ANKRD44: variants seen among roughly 807,000 people sequenced by gnomAD.
ANKRD44 encodes ankyrin repeat domain 44.
A neutral mutation model predicts 116.0 loss-of-function variants in ANKRD44; 35 were observed. The observed-to-expected ratio is 0.30, with a 90% CI of 0.23 to 0.40. The LOEUF (loss-of-function observed/expected upper bound fraction) is 0.40. Ranked by LOEUF, ANKRD44 falls within the 10% of genes least tolerant of loss-of-function variation. The pLI is 1.00. For missense variants in ANKRD44, 1,014 were observed against 1,242.6 expected (o/e 0.82, Z 2.77); for synonymous variants, 435 against 461.8 (o/e 0.94, Z 0.74).
intron 1 of ANKRD44, among the ~76,000 whole-genome samples, chr2:197,224,099 T>A (rs2081646679): frequency 6.6e-6 from 1 of 152,200 alleles, no homozygotes; most frequent in Admixed American, 6.5e-5. Context: ...TCCCTTAAAC[T>A]GTTCCCTGAA....
chr2:197,307,624 A>G (rs2084113370), intron 1 of ANKRD44, among the ~76,000 whole-genome samples: 1 of 151,556 alleles, frequency 6.6e-6, no homozygotes, highest in South Asian at 2.1e-4. Flanking sequence ...AAAAAAAAAG[A>G]GTTAGGAAAA....
intron 1 of ANKRD44, among the ~76,000 whole-genome samples, chr2:197,257,866 C>T (rs1031784296): frequency 2.0e-5 from 3 of 152,120 alleles, no homozygotes; most frequent in Non-Finnish European, 4.4e-5. Context: ...ACTGAAACTC[C>T]GTGCCAATTA....
At chr2:196,972,735 T>C (rs898801147) in intron 21 of ANKRD44, among the ~76,000 whole-genome samples, 5 of 152,224 alleles carry the variant, frequency 3.3e-5, no homozygotes, top group African/African-American at 9.6e-5. Flanking sequence ...TTTTTCTGAT[T>C]GGTAGGTATC....
At chr2:197,032,504 T>A (rs952210336) in intron 16 of ANKRD44, among the ~76,000 whole-genome samples, 2 of 151,520 alleles carry the variant, frequency 1.3e-5, no homozygotes, top group African/African-American at 2.4e-5. Context: ...TTCTCCTGCC[T>A]CAGCCTCCTG....
At chr2:197,129,064 A>T (rs2079040890) in intron 4 of ANKRD44, among the ~76,000 whole-genome samples, 2 of 152,154 alleles carry the variant, frequency 1.3e-5, no homozygotes, top group Non-Finnish European at 2.9e-5. Flanking sequence ...AGATAAGATA[A>T]AAGCTCACAG....
At chr2:197,307,252 A>T (rs76956981) in intron 1 of ANKRD44, among the ~76,000 whole-genome samples, 1,962 of 152,336 alleles carry the variant, frequency 0.013, 39 homozygotes, top group African/African-American at 0.045. Flanking sequence ...ATGTCCACAT[A>T]CAAGGAACTA....
At chr2:197,194,431 G>A (rs928444478) in intron 1 of ANKRD44, among the ~76,000 whole-genome samples, 10 of 152,110 alleles carry the variant, frequency 6.6e-5, no homozygotes, top group African/African-American at 2.4e-4. Flanking sequence ...CCTTTCTTTT[G>A]TGATCTCCTG....
rs182539877 is a variant in ANKRD44, at chr2:197,216,964, T to C, written c.28-29858A>G. Among the ~76,000 whole-genome samples the C allele has an allele frequency of 1.9e-3, 292 of 149,964 alleles. 1 individual carries two copies. The highest frequency in any genetic ancestry group is 0.01 in the Middle Eastern group (3 of 290). Reference sequence around the variant, plus strand: ...GGGAAAAGAAAAAAAAAGGACTCAGTGACCATCAAAAACGAAAAGGCAGAG... The same window carrying C: ...GGGAAAAGAAAAAAAAAGGACTCAGCGACCATCAAAAACGAAAAGGCAGAG... On this transcript the variant is annotated intron_variant, in intron 1 of 27. Transcript: ENST00000282272.
chr2:197,186,951 T>C lies in ANKRD44; in HGVS notation c.111+72A>G. 3 of 1,227,790 alleles carry C rather than the reference T, an allele frequency of 2.4e-6. No individual in the cohort carries two copies. In the South Asian group the frequency reaches 3.6e-5, roughly 15 times the overall value. 76.1% of individuals were successfully genotyped at this position (1,227,790 alleles called of 1,614,324 possible). Reference sequence around the variant, plus strand: ...CACCAGATATCAAGAGTCCATGGTATATAAAAGGTTAAGAGTCCTTTCCTG... The same window carrying C: ...CACCAGATATCAAGAGTCCATGGTACATAAAAGGTTAAGAGTCCTTTCCTG... On this transcript the variant is annotated intron_variant, in intron 2 of 27. Coordinates refer to ENST00000282272, the MANE Select transcript of ANKRD44 (RefSeq NM_001195144.2).
At chr2:197,155,770 G>A (rs1004490459) in intron 2 of ANKRD44, among the ~76,000 whole-genome samples, 2 of 152,170 alleles carry the variant, frequency 1.3e-5, no homozygotes, top group African/African-American at 4.8e-5. Flanking sequence ...AGATTTCTTA[G>A]ATATGACATC....
At chr2:197,050,829 G>A (rs1386778537) in intron 16 of ANKRD44, among the ~76,000 whole-genome samples, 1 of 152,114 alleles carries the variant, frequency 6.6e-6, no homozygotes, top group East Asian at 1.9e-4. Context: ...TAAGCCGTCA[G>A]GTTATTTTTT....
Position 197,293,698 on chromosome 2 carries a change from C to T in ANKRD44, c.27+16880G>A, listed in dbSNP as rs78708035. 7.0e-3 allele frequency among the ~76,000 whole-genome samples: 1,072 copies of T among 152,318 alleles called. 13 individuals are homozygous for T. The highest frequency in any genetic ancestry group is 7.8e-3 in the Non-Finnish European group (532 of 68,036). On this transcript the variant is annotated intron_variant, in intron 1 of 27. Transcript: ENST00000282272. ...GTTTTCAAATAAGAATGAAGTTCCA[C>T]GGTCTTCTGTGTATCACAAAGATCT... is the stretch of plus-strand genomic sequence containing the variant.
chr2:197,074,137 G>A (rs183272393), intron 16 of ANKRD44, among the ~76,000 whole-genome samples: 71 of 152,216 alleles, frequency 4.7e-4, no homozygotes, highest in Middle Eastern at 3.4e-3. Context: ...CCCCACCCTC[G>A]CCCTTAATGA....
At chr2:197,080,417 G>A (rs2077766356) in intron 15 of ANKRD44, among the ~76,000 whole-genome samples, 1 of 152,176 alleles carries the variant, frequency 6.6e-6, no homozygotes, top group South Asian at 2.1e-4. Context: ...GATACAGGGA[G>A]TGGCCTCCCT....
intron 1 of ANKRD44, among the ~76,000 whole-genome samples, chr2:197,261,541 A>G (rs2082605131): frequency 7.9e-6 from 1 of 125,922 alleles, no homozygotes; most frequent in African/African-American, 3.0e-5. Flanking sequence ...AGTAAAAAAG[A>G]TAGACAATCT....
At position 196,988,850 on chromosome 2, in the gene ANKRD44, G is replaced by A. The variant is rs947764566; in HGVS notation, c.*741C>T. On this transcript the variant is annotated 3_prime_UTR_variant, in exon 28 of 28. Transcript: ENST00000282272. ...TTTCTCATCAGGTTACTGAGACTAT[G>A]TGAGCTTTTCAGTGTACTTAGGGTA... 1.0e-6 allele frequency: 1 copy of A among 985,318 alleles called. No homozygotes were observed. Among genetic ancestry groups the A allele is most frequent in the Non-Finnish European group, 1.2e-6 (1 of 829,944 alleles). The allele number at this position is 985,318 out of a possible 1,614,324, so 61.0% of individuals were successfully genotyped here.
intron 1 of ANKRD44, among the ~76,000 whole-genome samples, chr2:197,228,127 A>G (rs2081763040): frequency 6.6e-6 from 1 of 152,206 alleles, no homozygotes; most frequent in Admixed American, 6.5e-5. Context: ...TACAATGGAA[A>G]TTATGGTGGG....
chr2:197,300,616 C>T (rs1211687345), intron 1 of ANKRD44, among the ~76,000 whole-genome samples: 1 of 152,122 alleles, frequency 6.6e-6, no homozygotes, highest in Non-Finnish European at 1.5e-5. Context: ...GGAAAAAGGC[C>T]TCTTGTGATA....
At chr2:197,280,247 A>G (rs976069901) in intron 1 of ANKRD44, among the ~76,000 whole-genome samples, 2 of 152,206 alleles carry the variant, frequency 1.3e-5, no homozygotes, top group Non-Finnish European at 2.9e-5. Flanking sequence ...GGAGAATGAA[A>G]TTAGCATAAA....
Sources: gnomAD v4.1 joint callset for allele counts (sites outside exome capture counted in the v4.1 genomes callset) on GRCh38, gnomAD v4.1.1 for gene constraint, MANE v1.5 for transcripts, NCBI Gene and HGNC (gene_info 2026-07-23, HGNC 2026-07-21) for gene names.